The following SPG11 variants were observed in gnomAD, a reference collection of about 807,000 sequenced individuals.
The protein encoded by SPG11 is spatacsin.
In SPG11, 222 loss-of-function variants were observed where a neutral mutation model predicts 274.0. That is an observed-to-expected ratio of 0.81 (90% CI 0.73 to 0.91). SPG11 has a LOEUF of 0.91. SPG11 is among the 40% of genes least tolerant of loss of function. SPG11 has a pLI of 0.00. For missense variants in SPG11, 3,114 were observed against 2,872.7 expected (o/e 1.08, Z -1.92); for synonymous variants, 1,144 against 1,039.7 (o/e 1.10, Z -1.93).
chr15:44,614,539 C>T (rs937703103), intron 16 of SPG11, among the ~76,000 whole-genome samples: 1 of 152,190 alleles, frequency 6.6e-6, no homozygotes, highest in Non-Finnish European at 1.5e-5. Flanking sequence ...CTAGTCTTTA[C>T]TACACAAAAT....
chr15:44,627,499 G>C (rs1191559539), intron 10 of SPG11, among the ~76,000 whole-genome samples: 1 of 152,094 alleles, frequency 6.6e-6, no homozygotes, highest in African/African-American at 2.4e-5. Flanking sequence ...ACCATAGACA[G>C]AGCCTTGCAG....
chr15:44,567,365 AAAG>A (rs2082331582), intron 36 of SPG11, 56 bp downstream of exon 36: 2 of 1,577,848 alleles, frequency 1.3e-6, no homozygotes, highest in African/African-American at 1.4e-5. Flanking sequence ...AAAAAAAAAA[AAAG>A]GAATTTTACC....
intron 17 of SPG11, among the ~76,000 whole-genome samples, chr15:44,612,810 A>T (rs2083495459): frequency 6.6e-6 from 1 of 152,168 alleles, no homozygotes; most frequent in African/African-American, 2.4e-5. Flanking sequence ...ATTATGAAAA[A>T]ATTCTGCATT....
At chr15:44,655,718 G>C (rs1356775098) in intron 4 of SPG11, among the ~76,000 whole-genome samples, 3 of 152,056 alleles carry the variant, frequency 2.0e-5, no homozygotes, top group African/African-American at 4.8e-5. Context: ...TTAAGTTTTG[G>C]GGGAGTCAAA....
Position 44,659,115 on chromosome 15 carries a change from C to T in SPG11, c.631G>A (p.Gly211Arg). ...AAACTACTCAAAACAAAAAGAATTC[C>T]TCTGCAGAGCTGCGTGTCAATAATC... ...DMIIDTQLCR[G>R]ILFVLSSLGW... Residue 211 changes from glycine to arginine, a missense_variant, in exon 3 of 40, where the codon GGA becomes AGA. Physicochemically the swap from Gly to Arg is moderately radical, Grantham distance 125. Transcript: ENST00000261866. 1 of 1,614,180 alleles carries T rather than the reference C, an allele frequency of 6.2e-7. No homozygotes were observed. The highest frequency in any genetic ancestry group is 8.5e-7 in the Non-Finnish European group (1 of 1,180,034).
chr15:44,563,129 C>T lies in SPG11; in HGVS notation c.7324G>A (p.Ala2442Thr), dbSNP rs765644977. Residue 2442 changes from alanine (A) to threonine (T), a missense_variant, in exon 40 of 40, where the codon GCA becomes ACA. Ala to Thr is a moderately conservative substitution (Grantham distance 58, BLOSUM62 0). Transcript: ENST00000261866. ...QTGCCLKDML[A>T]G ...GACACCTATGAAATCATCTAACCTGCTAGCATGTCCTTTAGACAGCAACCT... is the reference window on the plus strand; with the variant it reads ...GACACCTATGAAATCATCTAACCTGTTAGCATGTCCTTTAGACAGCAACCT... 2.9e-5 allele frequency: 47 copies of T among 1,613,804 alleles called. No individual in the cohort carries two copies. Among genetic ancestry groups the T allele is most frequent in the Non-Finnish European group, 3.6e-5 (43 of 1,179,884 alleles).
At chr15:44,632,961 T>A (rs576727356) in intron 8 of SPG11, among the ~76,000 whole-genome samples, 6 of 152,146 alleles carry the variant, frequency 3.9e-5, no homozygotes, top group Non-Finnish European at 8.8e-5. Flanking sequence ...CTTCCTTGCA[T>A]AATAAAAATA....
chr15:44,634,031 G>A (rs909095902), intron 7 of SPG11, among the ~76,000 whole-genome samples: 2 of 152,130 alleles, frequency 1.3e-5, no homozygotes, highest in East Asian at 3.9e-4. Flanking sequence ...TAGAGACAGG[G>A]TTTCACTGTG....
intron 38 of SPG11, among the ~76,000 whole-genome samples, chr15:44,565,118 T>C (rs1595816056): frequency 2.6e-5 from 4 of 152,300 alleles, no homozygotes; most frequent in Admixed American, 2.6e-4. Flanking sequence ...TGAGGAACAG[T>C]GAAAGGGCTG....
rs1287592188 is a variant in SPG11, at chr15:44,567,565, C to T, written c.6613G>A (p.Asp2205Asn). Residue 2205 changes from aspartate (D) to asparagine (N), a missense_variant, in exon 36 of 40, where the codon GAC becomes AAC. Transcript: ENST00000261866. ...PSGTLKTALLDYIKRCRPGDS... is the reference protein window; with the variant it reads ...PSGTLKTALLNYIKRCRPGDS... ...CCAGGACGGCAGCGTTTGATGTAGT[C>T]CAGCAGGGCTGTTTTCAGGGTACCA... 2.5e-6 allele frequency: 4 copies of T among 1,613,912 alleles called. No homozygotes were observed. In the South Asian group the frequency reaches 3.3e-5, roughly 13 times the overall value.
At chr15:44,622,396 T>G in intron 12 of SPG11, 49 bp from the exon 13 acceptor site, 1 of 1,452,118 alleles carries the variant, frequency 6.9e-7, no homozygotes, top group Non-Finnish European at 9.4e-7. Context: ...AATCAAGCAC[T>G]TTTGCAAAAA....
chr15:44,649,003 G>A lies in SPG11; in HGVS notation c.1465C>T (p.Leu489Phe). 2 of 1,612,352 alleles carry A rather than the reference G, an allele frequency of 1.2e-6. No individual in the cohort carries two copies. The highest frequency in any genetic ancestry group is 1.7e-6 in the Non-Finnish European group (2 of 1,178,498). ...GTCAAACCAAACAAAATCAGAGAGA[G>A]TCCATTCTCTATAGGAAAAATAAAA... ...QLCFVLTENGLSLILFGLTQE... is the reference protein window; with the variant it reads ...QLCFVLTENGFSLILFGLTQE... The change falls in exon 7 of 40, where the codon CTC (leucine) becomes TTC (phenylalanine). Residue 489 changes from leucine to phenylalanine, a missense_variant. Leu to Phe is a conservative substitution (Grantham distance 22, BLOSUM62 0). Transcript: ENST00000261866.
chr15:44,613,979 G>A (rs536252289), intron 16 of SPG11, among the ~76,000 whole-genome samples: 9 of 152,102 alleles, frequency 5.9e-5, no homozygotes, highest in South Asian at 4.1e-4. Context: ...AGGAGTTCGA[G>A]GCTGCAATGA....
chr15:44,580,598 G>GA (rs1163947854), intron 30 of SPG11, among the ~76,000 whole-genome samples: 1 of 152,202 alleles, frequency 6.6e-6, no homozygotes, highest in Admixed American at 6.5e-5. Flanking sequence ...CCAACATGGT[G>GA]AAACCTTGTC....
Position 44,644,960 on chromosome 15 carries a change from G to C in SPG11, c.1602+3906C>G, listed in dbSNP as rs1029156528. Among the ~76,000 whole-genome samples the C allele has an allele frequency of 3.9e-5, 6 of 152,124 alleles. No individual in the cohort carries two copies. The South Asian group carries it at 1.2e-3, about 32-fold the overall frequency. Reference sequence around the variant, plus strand: ...AATGGAAAAACATCCCATGCTCATGGAGGAAGAATCAATATTGTTAAAATG... The same window carrying C: ...AATGGAAAAACATCCCATGCTCATGCAGGAAGAATCAATATTGTTAAAATG... On this transcript the variant is annotated intron_variant, in intron 7 of 39. Transcript: ENST00000261866.
chr15:44,596,975 A>T, intron 23 of SPG11, 32 bp from the exon 24 acceptor site: 1 of 1,611,216 alleles, frequency 6.2e-7, no homozygotes. Flanking sequence ...GGGGTGGTCA[A>T]GAAAAAACAA....
chr15:44,657,646 T>C lies in SPG11; in HGVS notation c.668-350A>G, dbSNP rs75598256. 4.9e-3 allele frequency among the ~76,000 whole-genome samples: 741 copies of C among 152,342 alleles called. 1 individual carries two copies. The highest frequency in any genetic ancestry group is 8.1e-3 in the Non-Finnish European group (551 of 68,032). On this transcript the variant is annotated intron_variant, in intron 3 of 39. Coordinates refer to ENST00000261866, the MANE Select transcript of SPG11 (RefSeq NM_025137.4). The stretch of plus-strand genomic sequence containing the variant: ...AAGTATTATCAACATGCAGTCAGTA[T>C]AAAAACTGAGACATTTTATGTTTTT...
At chr15:44,647,397 G>T (rs999463014) in intron 7 of SPG11, among the ~76,000 whole-genome samples, 1 of 152,176 alleles carries the variant, frequency 6.6e-6, no homozygotes, top group Non-Finnish European at 1.5e-5. Context: ...AAATGACCCA[G>T]TAATTCCACA....
intron 11 of SPG11, 96 bp downstream of exon 11, chr15:44,626,235 C>T (rs538390358): frequency 1.7e-5 from 18 of 1,061,166 alleles, no homozygotes; most frequent in Non-Finnish European, 2.4e-5. Context: ...ACATAAATTT[C>T]TTAGTTTATG....
Sources: gnomAD v4.1 joint callset for allele counts (sites outside exome capture counted in the v4.1 genomes callset) on GRCh38, gnomAD v4.1.1 for gene constraint, MANE v1.5 for transcripts, NCBI Gene and HGNC (gene_info 2026-07-23, HGNC 2026-07-21) for gene names.